FAM184A: variants seen among roughly 807,000 people sequenced by gnomAD.
FAM184A encodes protein FAM184A.
FAM184A carries 99 observed loss-of-function variants against 143.8 expected under a neutral mutation model. The observed-to-expected ratio is 0.69, with a 90% CI of 0.58 to 0.81. The LOEUF (loss-of-function observed/expected upper bound fraction) is 0.81. FAM184A is among the 40% of genes least tolerant of loss of function. FAM184A has a pLI of 0.00. For synonymous variants in FAM184A, 427 were observed against 446.4 expected, an observed-to-expected ratio of 0.96 and a Z score of 0.55; for missense variants, 1,217 against 1,310.5, an observed-to-expected ratio of 0.93 and a Z score of 1.10.
intron 9 of FAM184A, among the ~76,000 whole-genome samples, chr6:118,991,163 A>T (rs1784365968): frequency 6.9e-6 from 1 of 145,320 alleles, no homozygotes; most frequent in Non-Finnish European, 1.5e-5. Context: ...TTATTTTTTA[A>T]TTTTTTTTTT....
At chr6:119,046,437 C>T (rs1297112353) in intron 1 of FAM184A, among the ~76,000 whole-genome samples, 3 of 151,964 alleles carry the variant, frequency 2.0e-5, no homozygotes, top group African/African-American at 7.3e-5. Context: ...GTTGGCCAGG[C>T]TGGTCTCAAA....
intron 1 of FAM184A, among the ~76,000 whole-genome samples, chr6:119,117,577 C>G (rs528421690): frequency 2.6e-5 from 4 of 152,178 alleles, no homozygotes; most frequent in Admixed American, 6.5e-5. Context: ...TTTGAACATG[C>G]CTGCGACTCA....
intron 1 of FAM184A, among the ~76,000 whole-genome samples, chr6:119,117,563 T>C (rs612607): frequency 6.6e-5 from 10 of 152,094 alleles, no homozygotes; most frequent in Non-Finnish European, 1.3e-4. Flanking sequence ...AGAGGCCCCA[T>C]TGCTTTGAAC....
chr6:119,088,360 A>G (rs966157201), intron 1 of FAM184A, among the ~76,000 whole-genome samples: 1 of 152,230 alleles, frequency 6.6e-6, no homozygotes, highest in African/African-American at 2.4e-5. Flanking sequence ...CTATCAATCA[A>G]TAAACATTTA....
intron 2 of FAM184A, among the ~76,000 whole-genome samples, chr6:119,023,552 TCCG>T (rs199776019): frequency 0.046 from 645 of 13,918 alleles, 63 homozygotes; most frequent in Non-Finnish European, 0.088. Flanking sequence ...AGCAATATTG[TCCG>T]CCCCCCCCCC....
chr6:119,102,624 CT>C (rs1333363112), intron 1 of FAM184A, among the ~76,000 whole-genome samples: 1 of 151,382 alleles, frequency 6.6e-6, no homozygotes, highest in East Asian at 1.9e-4. Flanking sequence ...CCCGTCTCTA[CT>C]AAAAAATACA....
chr6:119,036,709 T>C (rs1356273710), intron 1 of FAM184A, among the ~76,000 whole-genome samples: 2 of 152,190 alleles, frequency 1.3e-5, no homozygotes, highest in South Asian at 2.1e-4. Flanking sequence ...TACTTTTTTA[T>C]ATGCATTCTG....
intron 9 of FAM184A, among the ~76,000 whole-genome samples, chr6:118,988,531 T>C (rs1317984625): frequency 6.6e-6 from 1 of 152,196 alleles, no homozygotes; most frequent in Non-Finnish European, 1.5e-5. Context: ...GAATTTCTCT[T>C]AAGAGAAATG....
Position 119,045,228 on chromosome 6 carries a change from T to C in FAM184A, c.160-20415A>G, listed in dbSNP as rs75543534. On this transcript the variant is annotated intron_variant, in intron 1 of 17. Coordinates refer to ENST00000338891, the MANE Select transcript of FAM184A (RefSeq NM_024581.6). The stretch of plus-strand genomic sequence containing the variant: ...GAAACCTCTGGTATATTGATAAAAA[T>C]AAATGAGAAAAGGAAGGCTGTTTTC... Among the ~76,000 whole-genome samples, 843 of 150,826 alleles carry C rather than the reference T, an allele frequency of 5.6e-3. 23 individuals carry two copies. The highest frequency in any genetic ancestry group is 0.01 in the East Asian group (53 of 5,120).
intron 9 of FAM184A, among the ~76,000 whole-genome samples, chr6:118,985,153 C>G (rs916434333): frequency 4.6e-5 from 7 of 152,064 alleles, no homozygotes; most frequent in African/African-American, 7.3e-5. Context: ...ATGATTTTAC[C>G]AAATGTAGAG....
chr6:119,022,053 C>CTTT (rs34128659), intron 3 of FAM184A, among the ~76,000 whole-genome samples: 1,241 of 83,716 alleles, frequency 0.015, no homozygotes, highest in East Asian at 0.033. Flanking sequence ...TTCGTTCTTT[C>CTTT]TTTTTTTTTT....
chr6:118,975,254 A>G, intron 12 of FAM184A, 46 bp from the exon 13 acceptor site: 1 of 1,340,568 alleles, frequency 7.5e-7, no homozygotes. Flanking sequence ...TACATATTTG[A>G]TTTCTGTGTT....
At chr6:119,071,343 C>T (rs1314195098) in intron 1 of FAM184A, among the ~76,000 whole-genome samples, 1 of 152,080 alleles carries the variant, frequency 6.6e-6, no homozygotes, top group Non-Finnish European at 1.5e-5. Flanking sequence ...TTTAAAATAA[C>T]CACAGTAGTA....
chr6:119,052,832 T>C (rs141285802), intron 1 of FAM184A, among the ~76,000 whole-genome samples: 2 of 152,338 alleles, frequency 1.3e-5, no homozygotes, highest in Admixed American at 1.3e-4. Flanking sequence ...CTAAATACAC[T>C]GAGTTGTCTT....
In FAM184A at chr6:119,024,207, G is replaced by A; in HGVS notation, c.766C>T (p.Gln256Ter). Residue 256 changes from glutamine to a stop codon, truncating the protein, a stop_gained, in exon 2 of 18, where the codon CAG (glutamine) becomes TAG (stop). Coordinates refer to ENST00000338891, the MANE Select transcript of FAM184A (RefSeq NM_024581.6). LOFTEE classifies it high-confidence loss of function. ...TCAAGCTCACGTTCATAAAAGGACT[G>A]AGCTTTATTCAACTTGCCTTCATAA... ...EDYEGKLNKA[Q>*]SFYERELDTL... 6.2e-7 allele frequency: 1 copy of A among 1,614,212 alleles called. No homozygotes were observed. Among genetic ancestry groups the A allele is most frequent in the Non-Finnish European group, 8.5e-7 (1 of 1,180,052 alleles).
At chr6:119,013,626 ACAGT>A (rs1397521161) in intron 5 of FAM184A, among the ~76,000 whole-genome samples, 1 of 152,254 alleles carries the variant, frequency 6.6e-6, no homozygotes. Context: ...AGAGAATACT[ACAGT>A]CAGAGTCTTG....
At chr6:118,963,519 A>G (rs568314611) in intron 16 of FAM184A, 1 of 152,238 alleles carries the variant, frequency 6.6e-6, no homozygotes, top group South Asian at 2.1e-4. Context: ...CTATTTTAGA[A>G]AACATTCAAG....
intron 1 of FAM184A, among the ~76,000 whole-genome samples, chr6:119,133,685 C>G (rs1789592366): frequency 6.6e-6 from 1 of 152,060 alleles, no homozygotes. Flanking sequence ...GGGCTGTCTG[C>G]CAGCAGCACT....
At position 119,117,417 on chromosome 6, in the gene FAM184A, C is replaced by G. The variant is rs554591380; in HGVS notation, c.-202+31661G>C. Among the ~76,000 whole-genome samples, 7 of 152,336 alleles carry G rather than the reference C, an allele frequency of 4.6e-5. No homozygotes were observed. In the South Asian group the frequency reaches 8.3e-4, roughly 18 times the overall value. ...GCAGGGCTTCCTGGCTAGTCCTTTT[C>G]GTACTTAAAGTTGTCAGTAGGCCAT... is the stretch of plus-strand genomic sequence containing the variant. On this transcript the variant is annotated intron_variant, in intron 1 of 16. Coordinates refer to the FAM184A transcript ENST00000352896.
Sources: gnomAD v4.1 joint callset for allele counts (sites outside exome capture counted in the v4.1 genomes callset) on GRCh38, gnomAD v4.1.1 for gene constraint, MANE v1.5 for transcripts, NCBI Gene and HGNC (gene_info 2026-07-23, HGNC 2026-07-21) for gene names.